TIAM1: variants seen among roughly 807,000 people sequenced by gnomAD.
The protein encoded by TIAM1 is rho guanine nucleotide exchange factor TIAM1.
A neutral mutation model predicts 163.5 loss-of-function variants in TIAM1; 65 were observed. The ratio of observed to expected loss-of-function variants is 0.40; its 90% confidence interval spans 0.33 to 0.49. TIAM1 has a LOEUF of 0.49. Among genes scored for constraint, TIAM1 ranks in the 20% least tolerant of loss-of-function variants. The pLI is 0.77. For synonymous variants in TIAM1, 833 were observed against 810.1 expected (o/e 1.03, Z -0.48); for missense variants, 1,789 against 2,044.7 (o/e 0.87, Z 2.41).
chr21:31,217,529 C>G, intron 9 of TIAM1, 24 bp downstream of exon 9: 1 of 1,610,178 alleles, frequency 6.2e-7, no homozygotes, highest in Non-Finnish European at 8.5e-7. Flanking sequence ...TGCGGGCTCA[C>G]TTTTCATCTG....
chr21:31,246,542 C>T (rs768921929), intron 5 of TIAM1, among the ~76,000 whole-genome samples: 60 of 151,128 alleles, frequency 4.0e-4, no homozygotes, highest in Non-Finnish European at 6.6e-4. Flanking sequence ...CATAAGCTGT[C>T]CGTCCATTTT....
chr21:31,249,453 C>T (rs2071677524), intron 5 of TIAM1, among the ~76,000 whole-genome samples: 1 of 152,192 alleles, frequency 6.6e-6, no homozygotes, highest in South Asian at 2.1e-4. Context: ...CCAGGGCCTA[C>T]CTCCAAATCT....
chr21:31,529,858 A>G (rs73199530), intron 1 of TIAM1, among the ~76,000 whole-genome samples: 5,130 of 152,276 alleles, frequency 0.034, 122 homozygotes, highest in Middle Eastern at 0.078. Context: ...TGTTCTCACC[A>G]GGGAAGATTC....
intron 16 of TIAM1, among the ~76,000 whole-genome samples, chr21:31,162,222 A>T (rs2083960710): frequency 6.6e-6 from 1 of 152,226 alleles, no homozygotes; most frequent in Non-Finnish European, 1.5e-5. Flanking sequence ...CATCTATAAA[A>T]TAGGGCAGAT....
chr21:31,497,243 CA>C (rs563077945), intron 1 of TIAM1, among the ~76,000 whole-genome samples: 2 of 152,214 alleles, frequency 1.3e-5, no homozygotes, highest in Non-Finnish European at 2.9e-5. Context: ...ACACATTTCT[CA>C]GAACATATCC....
rs2087538724 is a variant in TIAM1 at position 31,221,233 on chromosome 21, C to T, written c.1995+2173G>A. On this transcript the variant is annotated intron_variant, in intron 8 of 27. Coordinates refer to ENST00000541036, the MANE Select transcript of TIAM1 (RefSeq NM_001353694.2). ...CTAAAGCAACAAATAGGAACAGACA[C>T]CCAACAGGCTCGCCTGACTTGTTCC... 2.6e-5 allele frequency among the ~76,000 whole-genome samples: 4 copies of T among 152,202 alleles called. No individual in the cohort carries two copies. The South Asian group carries it at 8.3e-4, about 32-fold the overall frequency.
chr21:31,556,879 C>CA (rs536714342), intron 1 of TIAM1, among the ~76,000 whole-genome samples: 65 of 152,264 alleles, frequency 4.3e-4, no homozygotes, highest in African/African-American at 1.3e-3. Context: ...CCTTGAGATA[C>CA]AAAAAAGCAT....
intron 2 of TIAM1, among the ~76,000 whole-genome samples, chr21:31,289,781 A>G (rs190344810): frequency 1.1e-3 from 167 of 152,344 alleles, no homozygotes; most frequent in African/African-American, 3.6e-3. Flanking sequence ...TTTCTCAAAC[A>G]GTGATACATC....
intron 2 of TIAM1, among the ~76,000 whole-genome samples, chr21:31,463,138 G>T (rs1427338886): frequency 6.6e-6 from 1 of 152,132 alleles, no homozygotes; most frequent in Non-Finnish European, 1.5e-5. Context: ...ACCAGGGAGT[G>T]ACCTTACCCA....
intron 2 of TIAM1, among the ~76,000 whole-genome samples, chr21:31,360,782 A>G (rs900687025): frequency 6.6e-6 from 1 of 152,220 alleles, no homozygotes; most frequent in South Asian, 2.1e-4. Context: ...AAATATTCCA[A>G]TGACCAATAA....
intron 14 of TIAM1, among the ~76,000 whole-genome samples, chr21:31,185,329 C>T (rs1470070838): frequency 4.7e-5 from 7 of 149,358 alleles, no homozygotes; most frequent in Non-Finnish European, 8.9e-5. Flanking sequence ...ATATATATCA[C>T]AGATGAAATT....
Position 31,136,041 on chromosome 21 carries a change from C to T in TIAM1, c.3775G>A (p.Val1259Ile). ...AGGTCTCCCATGCTCAGATCTGCAA[C>T]CTGAAAGCCAGAGACGTGACAAAGC... is the stretch of plus-strand genomic sequence containing the variant. ...IAEQTGEKKE[V>I]ADLSMGDLLL... is the part of the protein sequence containing the mutation. The change falls in exon 23 of 28, where the codon GTT (valine) becomes ATT (isoleucine). Residue 1259 changes from valine (V) to isoleucine (I), a missense_variant and splice_region_variant. By Grantham distance (29) the Val-to-Ile change is conservative. Coordinates refer to ENST00000541036, the MANE Select transcript of TIAM1 (RefSeq NM_001353694.2). The T allele has an allele frequency of 1.2e-6, 2 of 1,612,004 alleles. No individual in the cohort carries two copies. Among genetic ancestry groups the T allele is most frequent in the Non-Finnish European group, 1.7e-6 (2 of 1,178,482 alleles).
At chr21:31,356,339 C>T (rs944021840) in intron 2 of TIAM1, among the ~76,000 whole-genome samples, 16 of 152,142 alleles carry the variant, frequency 1.1e-4, no homozygotes, top group East Asian at 1.9e-4. Context: ...ACCAATTGCC[C>T]GTATGCCATC....
intron 19 of TIAM1, among the ~76,000 whole-genome samples, chr21:31,150,507 G>C (rs1429307682): frequency 6.6e-6 from 1 of 152,046 alleles, no homozygotes; most frequent in Non-Finnish European, 1.5e-5. Context: ...CAACAAACAG[G>C]ATTAGAAAAA....
chr21:31,492,675 G>A (rs2046507657), intron 1 of TIAM1, among the ~76,000 whole-genome samples: 1 of 151,758 alleles, frequency 6.6e-6, no homozygotes, highest in African/African-American at 2.4e-5. Context: ...GACCACCTTG[G>A]GCACAGGTCA....
chr21:31,181,788 T>C (rs1382033024), intron 15 of TIAM1, among the ~76,000 whole-genome samples: 10 of 86,578 alleles, frequency 1.2e-4, no homozygotes, highest in Admixed American at 3.7e-4. Flanking sequence ...TTTTTTTTTT[T>C]TTTTTTTTTT....
upstream of TIAM1, among the ~76,000 whole-genome samples, chr21:31,345,803 A>C (rs1217201785): frequency 6.6e-6 from 1 of 152,110 alleles, no homozygotes; most frequent in Non-Finnish European, 1.5e-5. Flanking sequence ...TACAAAAATT[A>C]GCCAGGCACG....
intron 2 of TIAM1, among the ~76,000 whole-genome samples, chr21:31,307,918 A>G (rs189036781): frequency 6.6e-5 from 10 of 152,298 alleles, no homozygotes; most frequent in Non-Finnish European, 1.5e-4. Context: ...AAGAGAGCCA[A>G]GTTAATTCAA....
At chr21:31,319,500 C>CG (rs2075238718) in intron 2 of TIAM1, among the ~76,000 whole-genome samples, 1 of 151,958 alleles carries the variant, frequency 6.6e-6, no homozygotes, top group Non-Finnish European at 1.5e-5. Flanking sequence ...ATAACCTGGC[C>CG]GGGCACGGTG....
Sources: gnomAD v4.1 joint callset for allele counts (sites outside exome capture counted in the v4.1 genomes callset) on GRCh38, gnomAD v4.1.1 for gene constraint, MANE v1.5 for transcripts, NCBI Gene and HGNC (gene_info 2026-07-23, HGNC 2026-07-21) for gene names.